The following KCNIP4 variants were observed in gnomAD, a reference collection of about 807,000 sequenced individuals.
The protein encoded by KCNIP4 is Kv channel-interacting protein 4.
In KCNIP4, 12 loss-of-function variants were observed where a neutral mutation model predicts 34.0. The observed-to-expected ratio is 0.35, with a 90% CI of 0.23 to 0.57. KCNIP4 has a LOEUF of 0.57. Among genes scored for constraint, KCNIP4 ranks in the 20% least tolerant of loss-of-function variants. KCNIP4 has a pLI of 0.83. For synonymous variants in KCNIP4, 124 were observed against 102.2 expected, an observed-to-expected ratio of 1.21 and a Z score of -1.29; for missense variants, 238 against 311.7, an observed-to-expected ratio of 0.76 and a Z score of 1.78.
intron 1 of KCNIP4, among the ~76,000 whole-genome samples, chr4:20,917,501 A>T (rs1728967222): frequency 6.6e-6 from 1 of 152,286 alleles, no homozygotes; most frequent in East Asian, 1.9e-4. Context: ...TGCCCTCAGG[A>T]AGCTTATGGC....
chr4:21,304,011 AG>A, intron 1 of KCNIP4: 1 of 1,178,366 alleles, frequency 8.5e-7, no homozygotes, highest in Admixed American at 2.5e-5. Flanking sequence ...TGCTGGAGAA[AG>A]GGGAGGAGGA....
chr4:21,806,999 C>A (rs1448818925), intron 1 of KCNIP4, among the ~76,000 whole-genome samples: 1 of 151,924 alleles, frequency 6.6e-6, no homozygotes, highest in Non-Finnish European at 1.5e-5. Context: ...AGTGGGAGCC[C>A]TGAGCTTGTT....
chr4:21,620,725 C>T (rs1235624239), intron 1 of KCNIP4, among the ~76,000 whole-genome samples: 1 of 152,224 alleles, frequency 6.6e-6, no homozygotes, highest in Non-Finnish European at 1.5e-5. Flanking sequence ...TCTTATTACA[C>T]ATTCTACAAC....
intron 1 of KCNIP4, among the ~76,000 whole-genome samples, chr4:21,464,087 C>T (rs1448159910): frequency 6.6e-6 from 1 of 151,716 alleles, no homozygotes; most frequent in African/African-American, 2.4e-5. Flanking sequence ...ATTTTATCAA[C>T]TTATACCTTC....
intron 1 of KCNIP4, among the ~76,000 whole-genome samples, chr4:21,517,851 C>G (rs1384540928): frequency 6.6e-6 from 1 of 152,176 alleles, no homozygotes; most frequent in African/African-American, 2.4e-5. Context: ...GCATGCACAG[C>G]TTTCCCTGAT....
At position 20,948,399 on chromosome 4, in the gene KCNIP4, C is replaced by A. The variant is rs547450255; in HGVS notation, c.62-65690G>T. ...TCCCTGAGTCAAATACCAGGCTGGA[C>A]TTTGCAGGACCTAGAGCTCAGCCAT... is the stretch of plus-strand genomic sequence containing the variant. On this transcript the variant is annotated intron_variant, in intron 1 of 8. Transcript: ENST00000382152. 3.2e-4 allele frequency among the ~76,000 whole-genome samples: 48 copies of A among 152,332 alleles called. No individual in the cohort carries two copies. In the Middle Eastern group the frequency reaches 0.014, roughly 43 times the overall value.
In KCNIP4 at chr4:21,783,682, A is replaced by G. The variant is rs1469616168; in HGVS notation, c.61+164889T>C. Among the ~76,000 whole-genome samples the G allele has an allele frequency of 3.3e-5, 5 of 152,228 alleles. 1 individual carries two copies. Among genetic ancestry groups the G allele is most frequent in the Admixed American group, 3.3e-4 (5 of 15,276 alleles). On this transcript the variant is annotated intron_variant, in intron 1 of 8. Transcript: ENST00000382152. ...TCTTCTGAAGTCAGTGTTTATAGTCATAACAATATAAACATTAAAGACTTA... is the reference window on the plus strand; with the variant it reads ...TCTTCTGAAGTCAGTGTTTATAGTCGTAACAATATAAACATTAAAGACTTA...
chr4:21,207,843 CTT>C (rs531286039), intron 1 of KCNIP4, among the ~76,000 whole-genome samples: 6 of 115,118 alleles, frequency 5.2e-5, no homozygotes, highest in African/African-American at 1.9e-4. Flanking sequence ...TTTTCTTTTT[CTT>C]TTTTTTTTTT....
At chr4:20,767,018 C>T (rs1390765002) in intron 3 of KCNIP4, 2 of 152,112 alleles carry the variant, frequency 1.3e-5, no homozygotes, top group Non-Finnish European at 2.9e-5. Context: ...TTATCCTAGC[C>T]CTCTACCTTA....
chr4:21,404,483 T>G (rs1444080060), intron 1 of KCNIP4, among the ~76,000 whole-genome samples: 1 of 152,144 alleles, frequency 6.6e-6, no homozygotes, highest in East Asian at 1.9e-4. Context: ...TGCCTCTGGA[T>G]GTAATTTAGA....
intron 1 of KCNIP4, among the ~76,000 whole-genome samples, chr4:21,486,625 G>C (rs1177986351): frequency 6.6e-6 from 1 of 152,060 alleles, no homozygotes; most frequent in Non-Finnish European, 1.5e-5. Flanking sequence ...TCCTTCCACT[G>C]TGTCATTTCC....
chr4:20,794,214 T>A (rs1237490979), intron 3 of KCNIP4, among the ~76,000 whole-genome samples: 1 of 152,200 alleles, frequency 6.6e-6, no homozygotes, highest in African/African-American at 2.4e-5. Context: ...GATGGACTGA[T>A]ACACCTCACA....
intron 1 of KCNIP4, among the ~76,000 whole-genome samples, chr4:21,021,243 G>GTA (rs1235885282): frequency 6.6e-6 from 1 of 152,124 alleles, no homozygotes; most frequent in African/African-American, 2.4e-5. Context: ...TAATACACCT[G>GTA]TATAGCACAT....
rs144624739 is a variant in KCNIP4 at position 21,797,641 on chromosome 4, G to A, written c.61+150930C>T. On this transcript the variant is annotated intron_variant, in intron 1 of 8. Transcript: ENST00000382152. ...TATAGGATGTCATTGTTATATTTGG[G>A]TTGTATTTTGTTTCACTTTTTTACT... 3.0e-3 allele frequency among the ~76,000 whole-genome samples: 449 copies of A among 152,084 alleles called. 3 individuals are homozygous for A. Among genetic ancestry groups the A allele is most frequent in the African/African-American group, 0.01 (424 of 41,506 alleles).
intron 2 of KCNIP4, among the ~76,000 whole-genome samples, chr4:20,864,175 C>T (rs201426197): frequency 6.3e-4 from 40 of 63,848 alleles, no homozygotes; most frequent in Admixed American, 1.6e-3. Context: ...TATGTATACA[C>T]ATGTATGTAT....
intron 1 of KCNIP4, among the ~76,000 whole-genome samples, chr4:21,876,564 G>A (rs75586861): frequency 0.022 from 3,315 of 152,194 alleles, 58 homozygotes; most frequent in Middle Eastern, 0.071. Flanking sequence ...GGGGCTGTTC[G>A]AGTGGAATTA....
At chr4:20,968,892 G>A (rs954691114) in intron 1 of KCNIP4, among the ~76,000 whole-genome samples, 9 of 152,054 alleles carry the variant, frequency 5.9e-5, no homozygotes, top group South Asian at 2.1e-4. Flanking sequence ...AAACCTGCAC[G>A]TTGTACACAT....
At chr4:21,586,559 A>AT (rs1741632479) in intron 1 of KCNIP4, among the ~76,000 whole-genome samples, 1 of 152,026 alleles carries the variant, frequency 6.6e-6, no homozygotes, top group South Asian at 2.1e-4. Flanking sequence ...CAGGAACTGA[A>AT]TTAAAAGGTT....
intron 2 of KCNIP4, among the ~76,000 whole-genome samples, chr4:20,879,561 C>T (rs1019997125): frequency 6.6e-6 from 1 of 152,182 alleles, no homozygotes; most frequent in Non-Finnish European, 1.5e-5. Context: ...AATTTTCAAA[C>T]ATTTAAGAAT....
Sources: gnomAD v4.1 joint callset for allele counts (sites outside exome capture counted in the v4.1 genomes callset) on GRCh38, gnomAD v4.1.1 for gene constraint, MANE v1.5 for transcripts, NCBI Gene and HGNC (gene_info 2026-07-23, HGNC 2026-07-21) for gene names.